Variants in SACM1L observed in about 807,000 individuals in gnomAD.
SACM1L encodes SAC1 like phosphatidylinositide phosphatase, also known as phosphatidylinositol-3-phosphatase SAC1.
SACM1L carries 32 observed loss-of-function variants against 89.5 expected under a neutral mutation model. That is an observed-to-expected ratio of 0.36 (90% CI 0.27 to 0.48). The LOEUF (loss-of-function observed/expected upper bound fraction) is 0.48. SACM1L is among the 20% of genes least tolerant of loss of function. The probability of loss-of-function intolerance (pLI) is 0.99; values close to 1 mark genes in which losing one functional copy is unlikely to be tolerated. For synonymous variants in SACM1L, 213 were observed against 232.8 expected (o/e 0.92, Z 0.77); for missense variants, 543 against 708.5 (o/e 0.77, Z 2.65).
intron 1 of SACM1L, among the ~76,000 whole-genome samples, chr3:45,699,167 T>C (rs1698201203): frequency 6.6e-6 from 1 of 152,166 alleles, no homozygotes. Context: ...AGGCATCTAC[T>C]TTTTTAAGCA....
chr3:45,708,701 T>A (rs1312406136), intron 4 of SACM1L, among the ~76,000 whole-genome samples: 1 of 152,182 alleles, frequency 6.6e-6, no homozygotes, highest in Non-Finnish European at 1.5e-5. Flanking sequence ...TCTTCTCGAT[T>A]GTTATTCTTT....
At chr3:45,707,944 A>G (rs1003339878) in intron 4 of SACM1L, among the ~76,000 whole-genome samples, 2 of 152,164 alleles carry the variant, frequency 1.3e-5, no homozygotes, top group African/African-American at 4.8e-5. Flanking sequence ...AATGTTTTAA[A>G]TTATAGTGTG....
chr3:45,726,869 C>CTTT (rs1158423503), intron 11 of SACM1L, among the ~76,000 whole-genome samples: 3 of 52,344 alleles, frequency 5.7e-5, no homozygotes, highest in Non-Finnish European at 1.1e-4. Context: ...TGCTTTATTT[C>CTTT]TTTTTTTTTT....
intron 11 of SACM1L, among the ~76,000 whole-genome samples, chr3:45,726,675 T>C (rs1041821515): frequency 6.6e-6 from 1 of 152,086 alleles, no homozygotes; most frequent in African/African-American, 2.4e-5. Flanking sequence ...TTATTGACTT[T>C]ATTGTTTTTA....
intron 7 of SACM1L, among the ~76,000 whole-genome samples, chr3:45,716,076 G>A (rs951624509): frequency 1.3e-5 from 2 of 152,130 alleles, no homozygotes; most frequent in Admixed American, 6.6e-5. Flanking sequence ...GAACATGACT[G>A]GAATAGAGAG....
At position 45,739,717 on chromosome 3, in the gene SACM1L, G is replaced by A; in HGVS notation, c.1627+73G>A. The A allele has an allele frequency of 2.9e-6, 4 of 1,366,120 alleles. 1 individual carries two copies. Among genetic ancestry groups the A allele is most frequent in the South Asian group, 2.3e-5 (2 of 85,742 alleles). The allele number at this position is 1,366,120 out of a possible 1,614,324, so 84.6% of individuals were successfully genotyped here. On this transcript the variant is annotated intron_variant, in intron 19 of 19. Coordinates refer to ENST00000389061, the MANE Select transcript of SACM1L (RefSeq NM_014016.5). The stretch of plus-strand genomic sequence containing the variant: ...CTTTTACAACATCTTAAGTTTTTGA[G>A]TTCACCGAACACTTGATGTTTCCCT...
rs142607398 is a variant in SACM1L at position 45,729,098 on chromosome 3, A to T, written c.922-2203A>T. The stretch of plus-strand genomic sequence containing the variant: ...GATTTATTTATTTATTTATTTATTT[A>T]TTTTTTGAGACAGAGTCTTATTCTG... On this transcript the variant is annotated intron_variant, in intron 11 of 19. Coordinates refer to ENST00000389061, the MANE Select transcript of SACM1L (RefSeq NM_014016.5). Among the ~76,000 whole-genome samples the T allele has an allele frequency of 8.0e-3, 1,209 of 151,606 alleles. 4 individuals carry two copies. Among genetic ancestry groups the T allele is most frequent in the Non-Finnish European group, 0.014 (932 of 67,866 alleles).
intron 8 of SACM1L, 112 bp downstream of exon 8, chr3:45,719,713 T>G (rs1185408095): frequency 1.7e-6 from 1 of 591,954 alleles, no homozygotes; most frequent in Non-Finnish European, 2.9e-6. Context: ...ATAGCCTTGC[T>G]AAGTATTTAT....
intron 7 of SACM1L, among the ~76,000 whole-genome samples, chr3:45,715,068 C>T (rs1051299692): frequency 5.9e-5 from 9 of 152,184 alleles, no homozygotes; most frequent in Non-Finnish European, 1.0e-4. Context: ...AGCTAAGGAG[C>T]GATGGGCTAT....
Position 45,727,490 on chromosome 3 carries a change from T to C in SACM1L, c.922-3811T>C, listed in dbSNP as rs79638446. Among the ~76,000 whole-genome samples the C allele has an allele frequency of 3.4e-3, 516 of 152,328 alleles. 3 individuals are homozygous for C. The highest frequency in any genetic ancestry group is 0.012 in the African/African-American group (504 of 41,580). On this transcript the variant is annotated intron_variant, in intron 11 of 19. Coordinates refer to ENST00000389061, the MANE Select transcript of SACM1L (RefSeq NM_014016.5). Reference sequence around the variant, plus strand: ...TAAAAAAATGTGTATTCTGCTGCTGTTGGGTACAGTAATATGGTCTGATTG... The same window carrying C: ...TAAAAAAATGTGTATTCTGCTGCTGCTGGGTACAGTAATATGGTCTGATTG...
chr3:45,731,045 G>T (rs1463684895), intron 11 of SACM1L, among the ~76,000 whole-genome samples: 1 of 152,192 alleles, frequency 6.6e-6, no homozygotes, highest in Admixed American at 6.5e-5. Flanking sequence ...CTGGGTCAAG[G>T]ACAAGTTAAA....
At chr3:45,705,702 C>G (rs1249205892) in intron 3 of SACM1L, among the ~76,000 whole-genome samples, 1 of 151,930 alleles carries the variant, frequency 6.6e-6, no homozygotes, top group African/African-American at 2.4e-5. Flanking sequence ...TGGGGTTTCA[C>G]CATGTTGGTC....
At chr3:45,722,464 C>T (rs542247089) in intron 9 of SACM1L, among the ~76,000 whole-genome samples, 2 of 152,268 alleles carry the variant, frequency 1.3e-5, no homozygotes, top group East Asian at 1.9e-4. Context: ...TGGAGTTGTA[C>T]ACCACTTGCT....
chr3:45,715,773 CAAAA>C (rs35433679), intron 7 of SACM1L, among the ~76,000 whole-genome samples: 1 of 132,434 alleles, frequency 7.6e-6, no homozygotes. Flanking sequence ...GACTCCATCT[CAAAA>C]AAAAAAAAAA....
In SACM1L at chr3:45,713,147, G is replaced by A. The variant is rs1204445134; in HGVS notation, c.494G>A (p.Arg165Gln). The change falls in exon 6 of 20, where the codon CGG becomes CAG. Residue 165 changes from arginine to glutamine, a missense_variant. By Grantham distance (43) the Arg-to-Gln change is conservative. Coordinates refer to ENST00000389061, the MANE Select transcript of SACM1L (RefSeq NM_014016.5). ...TAAAACTTCTCTCAGGCAGATCAGC[G>A]GTTTGTATGGAATGGTCATCTTCTA... The part of the protein sequence containing the change: ...EMSLLERADQ[R>Q]FVWNGHLLRE... The A allele has an allele frequency of 3.1e-6, 5 of 1,612,122 alleles. No homozygotes were observed. The highest frequency in any genetic ancestry group is 1.3e-5 in the African/African-American group (1 of 74,838).
At chr3:45,727,990 T>C (rs751336279) in intron 11 of SACM1L, among the ~76,000 whole-genome samples, 5 of 152,236 alleles carry the variant, frequency 3.3e-5, no homozygotes, top group Non-Finnish European at 7.3e-5. Flanking sequence ...CATATATGTT[T>C]ATAATTGTAT....
At position 45,743,906 on chromosome 3, in the gene SACM1L, C is replaced by T; in HGVS notation, c.*237C>T. 2.9e-6 allele frequency: 1 copy of T among 348,198 alleles called. No homozygotes were observed. The highest frequency in any genetic ancestry group is 5.1e-6 in the Non-Finnish European group (1 of 195,418). The allele number at this position is 348,198 out of a possible 1,614,324, so 21.6% of individuals were successfully genotyped here. ...AAGCTATTCTGTAATTAAAATATAA[C>T]CTGAATTCAGCTTGCAGAATGGAAG... On this transcript the variant is annotated 3_prime_UTR_variant, in exon 20 of 20. Coordinates refer to ENST00000389061, the MANE Select transcript of SACM1L (RefSeq NM_014016.5).
chr3:45,698,611 C>T (rs909011919), intron 1 of SACM1L, among the ~76,000 whole-genome samples: 3 of 152,110 alleles, frequency 2.0e-5, no homozygotes, highest in Admixed American at 6.5e-5. Context: ...AGTGCGATGG[C>T]GCAATCTCTG....
rs552625062 is a variant in SACM1L at position 45,744,671 on chromosome 3, T to C, written c.*1002T>C. On this transcript the variant is annotated 3_prime_UTR_variant, in exon 20 of 20. Transcript: ENST00000389061. ...AAAACTTAGTGCTTCCAGGTAGTTA[T>C]AGTACTCCAAATCAAGGACCAACTT... The C allele has an allele frequency of 3.1e-4, 47 of 152,782 alleles. No individual in the cohort carries two copies. Among genetic ancestry groups the C allele is most frequent in the South Asian group, 2.1e-3 (10 of 4,830 alleles). The allele number at this position is 152,782 out of a possible 1,614,324, so 9.5% of individuals were successfully genotyped here. A position where few individuals can be genotyped will look rare whatever the true frequency, so the allele number is the denominator to read the frequency against.
Sources: gnomAD v4.1 joint callset for allele counts (sites outside exome capture counted in the v4.1 genomes callset) on GRCh38, gnomAD v4.1.1 for gene constraint, MANE v1.5 for transcripts, NCBI Gene and HGNC (gene_info 2026-07-23, HGNC 2026-07-21) for gene names.